Variants in CHD2 observed in about 807,000 individuals in gnomAD.
CHD2 encodes the protein ATP-dependent chromatin remodeler CHD2.
In CHD2, 28 loss-of-function variants were observed where a neutral mutation model predicts 243.9. That is an observed-to-expected ratio of 0.11 (90% CI 0.09 to 0.16). The LOEUF is 0.16. Ranked by LOEUF, CHD2 falls within the 10% of genes least tolerant of loss-of-function variation. The probability of loss-of-function intolerance (pLI) is 1.00; values close to 1 mark genes in which losing one functional copy is unlikely to be tolerated. For synonymous variants in CHD2, 775 were observed against 779.0 expected, an observed-to-expected ratio of 0.99 and a Z score of 0.09; for missense variants, 1,386 against 2,209.8, an observed-to-expected ratio of 0.63 and a Z score of 7.47.
chr15:92,953,459 C>T lies in CHD2; in HGVS notation c.1605C>T (p.Pro535=). The T allele has an allele frequency of 6.2e-7, 1 of 1,614,186 alleles. No individual in the cohort carries two copies. ...TCCACCAACACCAGCTGTATGGCCC[C>T]TTTCTTATAGTCGTCCCTTTATCCA... ...YLFHQHQLYG[P]FLIVVPLSTL... The change falls in exon 14 of 39, where the codon CCC becomes CCT. Residue 535 remains proline (P), a synonymous_variant. Transcript: ENST00000394196.
chr15:93,024,438 T>C lies in CHD2; in HGVS notation c.5220T>C (p.Asp1740=). 1 of 1,614,200 alleles carries C rather than the reference T, an allele frequency of 6.2e-7. No homozygotes were observed. Residue 1740 remains aspartate (D), a synonymous_variant, in exon 39 of 39, where the codon GAT becomes GAC. Transcript: ENST00000394196. ...EFRPQNYHQQ[D]FRRMSDHRPA... ...GGCCTCAAAATTACCACCAGCAGGA[T>C]TTCCGACGAATGTCTGATCACCGCC...
intron 2 of CHD2, chr15:92,904,764 G>A: frequency 7.1e-7 from 1 of 1,399,648 alleles, no homozygotes; most frequent in East Asian, 2.7e-5. Context: ...TCATACCTTA[G>A]CGTCCCTTCT....
intron 16 of CHD2, among the ~76,000 whole-genome samples, chr15:92,961,159 G>A (rs948913426): frequency 1.3e-4 from 20 of 152,174 alleles, no homozygotes; most frequent in African/African-American, 4.3e-4. Context: ...AGGAGTTTGT[G>A]TAAGTTTAGT....
chr15:92,978,783 A>G (rs2053940557), intron 21 of CHD2, among the ~76,000 whole-genome samples: 2 of 152,150 alleles, frequency 1.3e-5, no homozygotes, highest in South Asian at 2.1e-4. Context: ...TTTTTTGTTT[A>G]TGAATCTTAA....
intron 10 of CHD2, chr15:92,945,572 A>G (rs2053452590): frequency 5.2e-6 from 1 of 190,704 alleles, no homozygotes; most frequent in Non-Finnish European, 1.1e-5. Context: ...TAATTTCTAT[A>G]TTTTTAGTAG....
In CHD2 at chr15:92,979,224, G is replaced by A. The variant is rs2053946430; in HGVS notation, c.2817G>A (p.Val939=). 1.2e-6 allele frequency: 2 copies of A among 1,614,126 alleles called. No homozygotes were observed. The highest frequency in any genetic ancestry group is 2.2e-5 in the South Asian group (2 of 91,088). Residue 939 remains valine (V), a synonymous_variant, in exon 22 of 39, where the codon GTG becomes GTA. Coordinates refer to ENST00000394196, the MANE Select transcript of CHD2 (RefSeq NM_001271.4). The stretch of plus-strand genomic sequence containing the variant: ...AGAAGATGGTATTAGATCATCTGGT[G>A]ATTCAGCGCATGGACACCACTGGCC... ...AKKKMVLDHL[V]IQRMDTTGRT... is the part of the protein sequence containing the mutation.
At chr15:92,954,950 C>G (rs2053600648) in intron 14 of CHD2, among the ~76,000 whole-genome samples, 1 of 152,324 alleles carries the variant, frequency 6.6e-6, no homozygotes, top group African/African-American at 2.4e-5. Context: ...ATATTTTCAT[C>G]TTACAAGCCT....
At chr15:93,023,488 G>T (rs995337902) in intron 38 of CHD2, among the ~76,000 whole-genome samples, 1 of 152,178 alleles carries the variant, frequency 6.6e-6, no homozygotes, top group African/African-American at 2.4e-5. Flanking sequence ...TGGTGTACAG[G>T]TACTTGACTA....
intron 16 of CHD2, among the ~76,000 whole-genome samples, chr15:92,957,137 A>G (rs574873469): frequency 4.6e-5 from 7 of 152,310 alleles, no homozygotes; most frequent in South Asian, 2.1e-4. Flanking sequence ...AAATTATCCA[A>G]TGGTATTCAG....
intron 5 of CHD2, among the ~76,000 whole-genome samples, chr15:92,932,443 T>TCCCCCCCCCC (rs11309319): frequency 9.7e-6 from 1 of 103,292 alleles, no homozygotes; most frequent in Non-Finnish European, 1.9e-5. Flanking sequence ...CCCTTCCCCC[T>TCCCCCCCCCC]CCCCCCCACC....
At chr15:92,955,626 T>TA in intron 15 of CHD2, 114 bp downstream of exon 15, 1 of 629,156 alleles carries the variant, frequency 1.6e-6, no homozygotes, top group South Asian at 2.4e-5. Context: ...AAGTTAAAAA[T>TA]AAAAAACAAA....
chr15:92,988,214 C>G (rs2054070286), intron 26 of CHD2, among the ~76,000 whole-genome samples: 3 of 152,046 alleles, frequency 2.0e-5, no homozygotes, highest in Admixed American at 2.0e-4. Context: ...TCCCAAGTAG[C>G]TGAGATTACT....
chr15:92,922,486 G>T (rs1317889012), intron 2 of CHD2, among the ~76,000 whole-genome samples: 1 of 152,012 alleles, frequency 6.6e-6, no homozygotes, highest in African/African-American at 2.4e-5. Flanking sequence ...TAACTGAAAG[G>T]CCTCCGTATT....
chr15:92,951,220 G>T (rs1356688399), intron 13 of CHD2, among the ~76,000 whole-genome samples: 1 of 152,056 alleles, frequency 6.6e-6, no homozygotes, highest in African/African-American at 2.4e-5. Context: ...GCCCAGGCTG[G>T]AGCGCAGTGG....
chr15:92,910,619 C>G (rs1307633040), intron 2 of CHD2, among the ~76,000 whole-genome samples: 1 of 152,108 alleles, frequency 6.6e-6, no homozygotes, highest in African/African-American at 2.4e-5. Context: ...TGGTCTCAGA[C>G]TCCTGACCTC....
intron 13 of CHD2, among the ~76,000 whole-genome samples, chr15:92,952,751 A>C (rs2053569965): frequency 6.6e-6 from 1 of 152,204 alleles, no homozygotes. Flanking sequence ...GGAATACCTG[A>C]GTCAGAATCT....
intron 2 of CHD2, among the ~76,000 whole-genome samples, chr15:92,917,375 A>G (rs138078059): frequency 0.016 from 2,379 of 152,308 alleles, 57 homozygotes; most frequent in African/African-American, 0.054. Context: ...CCTGGCCGAC[A>G]TGGTGAAACC....
intron 7 of CHD2, 81 bp from the exon 8 acceptor site, chr15:92,941,741 C>T: frequency 7.1e-7 from 1 of 1,400,264 alleles, no homozygotes; most frequent in Non-Finnish European, 9.8e-7. Flanking sequence ...GGTATGGTTT[C>T]TTATTCTAGT....
intron 11 of CHD2, 63 bp from the exon 12 acceptor site, chr15:92,945,973 CAG>C (rs1288942342): frequency 5.3e-5 from 80 of 1,497,106 alleles, no homozygotes; most frequent in Middle Eastern, 1.8e-4. Flanking sequence ...ATGCATAAAA[CAG>C]AATGTCATTT....
Sources: allele counts gnomAD v4.1 joint callset (sites outside exome capture counted in the v4.1 genomes callset), GRCh38; gene constraint gnomAD v4.1.1; transcripts MANE v1.5; gene names NCBI Gene and HGNC (gene_info 2026-07-23, HGNC 2026-07-21).